Variants in UBASH3B observed in about 807,000 individuals in gnomAD.
The protein encoded by UBASH3B is ubiquitin associated and SH3 domain containing B.
Under a neutral mutation model 83.4 loss-of-function variants are expected in UBASH3B, and 37 were observed. That is an observed-to-expected ratio of 0.44 (90% CI 0.34 to 0.58). The LOEUF (loss-of-function observed/expected upper bound fraction) is 0.58, where lower values mean the gene tolerates loss of function less well. Ranked by LOEUF, UBASH3B falls within the 20% of genes least tolerant of loss-of-function variation. The pLI is 0.01. For missense variants in UBASH3B, 657 were observed against 827.2 expected, an observed-to-expected ratio of 0.79 and a Z score of 2.52; for synonymous variants, 304 against 318.3, an observed-to-expected ratio of 0.96 and a Z score of 0.48.
At chr11:122,665,348 T>A (rs1236958128) in intron 1 of UBASH3B, among the ~76,000 whole-genome samples, 1 of 152,318 alleles carries the variant, frequency 6.6e-6, no homozygotes, top group Middle Eastern at 3.4e-3. Flanking sequence ...TGGATAATTT[T>A]AAAATTTATT....
intron 1 of UBASH3B, among the ~76,000 whole-genome samples, chr11:122,736,855 G>C (rs1284377870): frequency 1.3e-5 from 2 of 152,106 alleles, no homozygotes; most frequent in African/African-American, 4.8e-5. Flanking sequence ...TTTCAGTCCA[G>C]CTTGGGCAAC....
At chr11:122,761,779 C>CTTTTTTTT (rs138806467) in intron 1 of UBASH3B, among the ~76,000 whole-genome samples, 2 of 65,410 alleles carry the variant, frequency 3.1e-5, no homozygotes, top group African/African-American at 6.6e-5. Flanking sequence ...CTCCCAGATC[C>CTTTTTTTT]TTTTTTTTTT....
intron 4 of UBASH3B, 199 bp from the exon 5 acceptor site, chr11:122,782,853 GA>G: frequency 1.6e-6 from 1 of 639,516 alleles, no homozygotes; most frequent in South Asian, 2.0e-5. Flanking sequence ...GCTATCTCTT[GA>G]ACAGTGGCTT....
chr11:122,703,724 T>G (rs1864079413), intron 1 of UBASH3B, among the ~76,000 whole-genome samples: 1 of 152,264 alleles, frequency 6.6e-6, no homozygotes, highest in Non-Finnish European at 1.5e-5. Flanking sequence ...CCTTGTTTTT[T>G]GAAGACAAGC....
intron 1 of UBASH3B, among the ~76,000 whole-genome samples, chr11:122,774,871 C>T (rs963546181): frequency 2.6e-5 from 4 of 152,122 alleles, no homozygotes; most frequent in African/African-American, 4.8e-5. Context: ...CCCCATCCAC[C>T]CCACCCAGAT....
intron 1 of UBASH3B, among the ~76,000 whole-genome samples, chr11:122,771,748 AACACACACACACACACACAC>A (rs58950220): frequency 6.1e-5 from 9 of 147,240 alleles, no homozygotes; most frequent in African/African-American, 2.0e-4. Context: ...GCTGTGTTAA[AACACACACACACACACACAC>A]ACACACACAC....
intron 1 of UBASH3B, among the ~76,000 whole-genome samples, chr11:122,716,096 TG>T (rs1473411534): frequency 6.6e-6 from 1 of 152,188 alleles, no homozygotes; most frequent in Non-Finnish European, 1.5e-5. Context: ...AGTGTCCCTC[TG>T]TGGGGGCAGA....
At chr11:122,725,342 A>AAAAAAAAAG (rs71281633) in intron 1 of UBASH3B, among the ~76,000 whole-genome samples, 13,352 of 129,636 alleles carry the variant, frequency 0.1, 744 homozygotes, top group Admixed American at 0.14. Context: ...AAAAAAAAAA[A>AAAAAAAAAG]AAGAAAAGAA....
intron 1 of UBASH3B, among the ~76,000 whole-genome samples, chr11:122,699,517 CTCTTTCTTTCTTTCTCTTTCTTTCTT>C (rs1166472886): frequency 3.8e-4 from 53 of 138,152 alleles, no homozygotes; most frequent in Admixed American, 6.6e-4. Flanking sequence ...TTCTTTCTTT[CTCTTTCTTTCTTTCTCTTTCTTTCTT>C]TCTTTCTTTC....
At chr11:122,749,843 G>A (rs1048836527) in intron 1 of UBASH3B, among the ~76,000 whole-genome samples, 1 of 152,048 alleles carries the variant, frequency 6.6e-6, no homozygotes, top group East Asian at 1.9e-4. Context: ...AGCTATTCTC[G>A]TGCCTCAGCT....
At chr11:122,764,207 A>G (rs1417477692) in intron 1 of UBASH3B, among the ~76,000 whole-genome samples, 1 of 152,210 alleles carries the variant, frequency 6.6e-6, no homozygotes, top group African/African-American at 2.4e-5. Flanking sequence ...AAAGTCATGG[A>G]TGGTCTAAAG....
chr11:122,761,295 C>A (rs1861367142), intron 1 of UBASH3B, among the ~76,000 whole-genome samples: 1 of 152,114 alleles, frequency 6.6e-6, no homozygotes, highest in South Asian at 2.1e-4. Context: ...CCCATCTCTA[C>A]CAACAACCAA....
At chr11:122,786,157 C>T (rs1366371861) in intron 5 of UBASH3B, among the ~76,000 whole-genome samples, 1 of 152,090 alleles carries the variant, frequency 6.6e-6, no homozygotes, top group Non-Finnish European at 1.5e-5. Flanking sequence ...TCACGCCGTT[C>T]TCCTGCCTCA....
At chr11:122,681,255 T>C (rs1057503681) in intron 1 of UBASH3B, among the ~76,000 whole-genome samples, 1 of 152,210 alleles carries the variant, frequency 6.6e-6, no homozygotes, top group Non-Finnish European at 1.5e-5. Flanking sequence ...GTGATTTTTC[T>C]TGTGACAAAA....
At chr11:122,712,896 G>GTT (rs386375116) in intron 1 of UBASH3B, among the ~76,000 whole-genome samples, 9,092 of 64,512 alleles carry the variant, frequency 0.14, 2,486 homozygotes, top group East Asian at 0.4. Context: ...TCTCTGGGTG[G>GTT]TTTTTTTTTT....
chr11:122,781,885 C>T (rs1335493145), intron 4 of UBASH3B, among the ~76,000 whole-genome samples: 3 of 152,158 alleles, frequency 2.0e-5, no homozygotes, highest in African/African-American at 4.8e-5. Context: ...TTTCATGGGG[C>T]TTACACCAAA....
intron 1 of UBASH3B, among the ~76,000 whole-genome samples, chr11:122,699,529 TTC>T (rs72223835): frequency 0.11 from 8,731 of 79,730 alleles, 336 homozygotes; most frequent in East Asian, 0.24. Flanking sequence ...CTTTCTTTCT[TTC>T]TCTTTCTTTC....
intron 1 of UBASH3B, among the ~76,000 whole-genome samples, chr11:122,727,989 C>T (rs928767083): frequency 1.5e-5 from 2 of 137,602 alleles, no homozygotes; most frequent in African/African-American, 5.5e-5. Flanking sequence ...AGTTTTAGCC[C>T]ATCTTATCAT....
At chr11:122,804,214 A>G (rs1362015978) in intron 11 of UBASH3B, among the ~76,000 whole-genome samples, 1 of 152,034 alleles carries the variant, frequency 6.6e-6, no homozygotes, top group African/African-American at 2.4e-5. Flanking sequence ...ACTGGGTGAG[A>G]GGTGGGGATG....
Sources: gnomAD v4.1 joint callset for allele counts (sites outside exome capture counted in the v4.1 genomes callset) on GRCh38, gnomAD v4.1.1 for gene constraint, MANE v1.5 for transcripts, NCBI Gene and HGNC (gene_info 2026-07-23, HGNC 2026-07-21) for gene names.